Variants in YTHDC1 observed in about 807,000 individuals in gnomAD.
YTHDC1 encodes the protein YTH domain-containing protein 1.
In YTHDC1, 12 loss-of-function variants were observed where a neutral mutation model predicts 107.0. The observed-to-expected ratio is 0.11, with a 90% CI of 0.07 to 0.18. The LOEUF is 0.18. Ranked by LOEUF, YTHDC1 falls within the 10% of genes least tolerant of loss-of-function variation. YTHDC1 has a pLI of 1.00. For synonymous variants in YTHDC1, 280 were observed against 289.5 expected (o/e 0.97, Z 0.33); for missense variants, 635 against 898.8 (o/e 0.71, Z 3.75).
At chr4:68,314,454 G>C (rs1018821784) in intron 16 of YTHDC1, 131 bp from the exon 17 acceptor site, 1 of 722,044 alleles carries the variant, frequency 1.4e-6, no homozygotes, top group Admixed American at 3.5e-5. Context: ...TATTATAATC[G>C]GCGGAGAGAA....
At chr4:68,323,902 G>GACT (rs1722700363) in intron 10 of YTHDC1, among the ~76,000 whole-genome samples, 1 of 152,118 alleles carries the variant, frequency 6.6e-6, no homozygotes, top group Admixed American at 6.5e-5. Context: ...ATTCTCTTTA[G>GACT]AAATATTTCC....
chr4:68,338,020 T>C (rs1724411029), intron 2 of YTHDC1, 120 bp from the exon 3 acceptor site: 1 of 1,463,766 alleles, frequency 6.8e-7, no homozygotes, highest in African/African-American at 1.4e-5. Context: ...TCTTTAAAAG[T>C]CTTCTGAGAG....
At chr4:68,333,277 C>A (rs377458326) in intron 5 of YTHDC1, 31 bp downstream of exon 5, 7 of 1,537,594 alleles carry the variant, frequency 4.6e-6, no homozygotes, top group South Asian at 1.2e-5. Flanking sequence ...ACATTAGAAT[C>A]AAGTCAGATA....
intron 1 of YTHDC1, among the ~76,000 whole-genome samples, chr4:68,348,100 C>T (rs541154842): frequency 6.6e-6 from 1 of 152,348 alleles, no homozygotes; most frequent in South Asian, 2.1e-4. Flanking sequence ...AATAGCTACA[C>T]AGTTTATGTA....
At chr4:68,317,863 T>C (rs1722031575) in intron 15 of YTHDC1, among the ~76,000 whole-genome samples, 1 of 152,152 alleles carries the variant, frequency 6.6e-6, no homozygotes. Context: ...AGACAAAGCA[T>C]CAGTGAATGC....
At position 68,349,726 on chromosome 4, in the gene YTHDC1, C is replaced by T; in HGVS notation, c.28G>A (p.Asp10Asn). Residue 10 changes from aspartate to asparagine, a missense_variant and splice_region_variant, in exon 1 of 17, where the codon GAT becomes AAT. Coordinates refer to ENST00000344157, the MANE Select transcript of YTHDC1 (RefSeq NM_001031732.4). ...GCCCGTCATCTTTCTCCGCACTAACCTTTCTCCTCCCGACTGTCAGCCGCC... is the reference window on the plus strand; with the variant it reads ...GCCCGTCATCTTTCTCCGCACTAACTTTTCTCCTCCCGACTGTCAGCCGCC... MAADSREEKDGELNVLDDIL... is the reference protein window; with the variant it reads MAADSREEKNGELNVLDDIL... 6.2e-7 allele frequency: 1 copy of T among 1,613,196 alleles called. No homozygotes were observed. Among genetic ancestry groups the T allele is most frequent in the South Asian group, 1.1e-5 (1 of 91,038 alleles).
At position 68,349,859 on chromosome 4, in the gene YTHDC1, T is replaced by C. The variant is rs1438335515; in HGVS notation, c.-106A>G. The C allele has an allele frequency of 4.2e-5, 64 of 1,526,198 alleles. No individual in the cohort carries two copies. The South Asian group carries it at 6.5e-4, about 15-fold the overall frequency. 94.5% of individuals were successfully genotyped at this position (1,526,198 alleles called of 1,614,324 possible). Reference sequence around the variant, plus strand: ...GCACGGGCCCGTCCGTCAGTCCGTCTGCCCGGATACGCGCGTCGCACTTGG... The same window carrying C: ...GCACGGGCCCGTCCGTCAGTCCGTCCGCCCGGATACGCGCGTCGCACTTGG... On this transcript the variant is annotated 5_prime_UTR_variant, in exon 1 of 17. Coordinates refer to ENST00000344157, the MANE Select transcript of YTHDC1 (RefSeq NM_001031732.4).
At chr4:68,349,613 G>C in intron 1 of YTHDC1, 113 bp downstream of exon 1, 1 of 1,020,762 alleles carries the variant, frequency 9.8e-7, no homozygotes, top group Non-Finnish European at 1.4e-6. Context: ...CTCCTCGCGA[G>C]GCCAGCTAAC....
intron 11 of YTHDC1, among the ~76,000 whole-genome samples, chr4:68,321,920 A>G (rs1722488085): frequency 6.6e-6 from 1 of 152,204 alleles, no homozygotes; most frequent in East Asian, 1.9e-4. Flanking sequence ...ATTCTGTAAC[A>G]AGTTAAACCC....
At chr4:68,323,719 A>G (rs1471657995) in intron 10 of YTHDC1, among the ~76,000 whole-genome samples, 3 of 152,264 alleles carry the variant, frequency 2.0e-5, no homozygotes, top group African/African-American at 4.8e-5. Context: ...CCACATTTTC[A>G]GTTCCATTTG....
chr4:68,328,884 T>C (rs1723273837), intron 9 of YTHDC1, among the ~76,000 whole-genome samples: 1 of 152,234 alleles, frequency 6.6e-6, no homozygotes, highest in Non-Finnish European at 1.5e-5. Flanking sequence ...AGCATGTTAC[T>C]GTATTGAATA....
chr4:68,335,357 T>C (rs1038878917), intron 4 of YTHDC1, among the ~76,000 whole-genome samples: 11 of 152,288 alleles, frequency 7.2e-5, no homozygotes, highest in Middle Eastern at 3.4e-3. Context: ...TTTTCCTTTA[T>C]AAGGAAAATA....
At position 68,314,077 on chromosome 4, in the gene YTHDC1, A is replaced by T. The variant is rs759604032; in HGVS notation, c.*22T>A. Reference sequence around the variant, plus strand: ...TACAAGATTTTTTGTATCTTTAAACAATCAGTGCTTCCAAAAGCCCATTAT... The same window carrying T: ...TACAAGATTTTTTGTATCTTTAAACTATCAGTGCTTCCAAAAGCCCATTAT... On this transcript the variant is annotated 3_prime_UTR_variant, in exon 17 of 17. Transcript: ENST00000344157. 1 of 1,607,254 alleles carries T rather than the reference A, an allele frequency of 6.2e-7. No homozygotes were observed. The highest frequency in any genetic ancestry group is 8.5e-7 in the Non-Finnish European group (1 of 1,176,304).
At chr4:68,323,319 T>C (rs1367309019) in intron 10 of YTHDC1, among the ~76,000 whole-genome samples, 2 of 152,222 alleles carry the variant, frequency 1.3e-5, no homozygotes, top group Non-Finnish European at 2.9e-5. Context: ...TTGAAATACA[T>C]TAGATTTACC....
At chr4:68,332,646 A>G (rs542390016) in intron 6 of YTHDC1, 148 bp downstream of exon 6, 20 of 690,484 alleles carry the variant, frequency 2.9e-5, no homozygotes, top group Non-Finnish European at 4.3e-5. Flanking sequence ...AAGCAGACAC[A>G]GAGCTTTCTA....
rs750152291 is a variant in YTHDC1, at chr4:68,337,208, T to C, written c.702A>G (p.Glu234=). 10 of 1,589,366 alleles carry C rather than the reference T, an allele frequency of 6.3e-6. No homozygotes were observed. Among genetic ancestry groups the C allele is most frequent in the South Asian group, 3.3e-5 (3 of 90,220 alleles). The change falls in exon 4 of 17, where the codon GAA becomes GAG. Residue 234 remains glutamate (E), a synonymous_variant. Coordinates refer to ENST00000344157, the MANE Select transcript of YTHDC1 (RefSeq NM_001031732.4). The stretch of plus-strand genomic sequence containing the variant: ...CCTCCTCCTCTTCCTCCTCCTCCTC[T>C]TCCTCCTCCTCCTCTCCATCTTCAT... ...EVDEDGEEEE[E]EEEEEEEEEE...
rs145636122 is a variant in YTHDC1, at chr4:68,316,907, C to T, written c.1825-459G>A. On this transcript the variant is annotated intron_variant, in intron 15 of 16. Coordinates refer to ENST00000344157, the MANE Select transcript of YTHDC1 (RefSeq NM_001031732.4). The stretch of plus-strand genomic sequence containing the variant: ...GCATCCTAGTTCTGCAGTTGGTAAA[C>T]TGGTTAACCACTTTGTATGTATCTG... 2.7e-3 allele frequency among the ~76,000 whole-genome samples: 413 copies of T among 152,302 alleles called. 1 individual carries two copies. The highest frequency in any genetic ancestry group is 4.7e-3 in the Non-Finnish European group (323 of 68,020).
At chr4:68,341,216 G>A (rs1170341849) in intron 1 of YTHDC1, among the ~76,000 whole-genome samples, 1 of 152,002 alleles carries the variant, frequency 6.6e-6, no homozygotes, top group Non-Finnish European at 1.5e-5. Context: ...ATGAAGTTCC[G>A]GCTTTAGAAA....
At chr4:68,315,349 C>CA (rs1721736346) in intron 16 of YTHDC1, among the ~76,000 whole-genome samples, 3 of 152,086 alleles carry the variant, frequency 2.0e-5, no homozygotes, top group Admixed American at 6.5e-5. Flanking sequence ...ACTGACAACA[C>CA]AAAAAAATGT....
Sources: gnomAD v4.1 joint callset for allele counts (sites outside exome capture counted in the v4.1 genomes callset) on GRCh38, gnomAD v4.1.1 for gene constraint, MANE v1.5 for transcripts, NCBI Gene and HGNC (gene_info 2026-07-23, HGNC 2026-07-21) for gene names.